Variants in BMPR1B observed in about 807,000 individuals in gnomAD.
BMPR1B encodes the protein bone morphogenetic protein receptor type 1B.
Under a neutral mutation model 59.1 loss-of-function variants are expected in BMPR1B, and 12 were observed. That is an observed-to-expected ratio of 0.20 (90% confidence interval 0.13 to 0.33). The LOEUF (loss-of-function observed/expected upper bound fraction) is 0.33. Among genes scored for constraint, BMPR1B ranks in the 10% least tolerant of loss-of-function variants. The pLI is 1.00. For synonymous variants in BMPR1B, 237 were observed against 207.3 expected (o/e 1.14, Z -1.23); for missense variants, 550 against 610.9 (o/e 0.90, Z 1.05).
intron 1 of BMPR1B, among the ~76,000 whole-genome samples, chr4:94,868,016 TA>T (rs1213176382): frequency 2.4e-5 from 3 of 124,672 alleles, no homozygotes; most frequent in Non-Finnish European, 5.2e-5. Flanking sequence ...TGTGCCCCGC[TA>T]ATTTTTTTTT....
intron 3 of BMPR1B, among the ~76,000 whole-genome samples, chr4:95,050,764 G>T (rs768819870): frequency 1.4e-4 from 22 of 152,050 alleles, no homozygotes; most frequent in Non-Finnish European, 2.6e-4. Context: ...TTTTGTATTT[G>T]TCTATGGTAG....
At chr4:94,851,570 A>G (rs1725566829) in intron 1 of BMPR1B, among the ~76,000 whole-genome samples, 1 of 152,064 alleles carries the variant, frequency 6.6e-6, no homozygotes, top group Non-Finnish European at 1.5e-5. Context: ...GTCTATAATA[A>G]TTTTAAAAAT....
intron 1 of BMPR1B, among the ~76,000 whole-genome samples, chr4:94,793,272 T>G (rs950007115): frequency 4.0e-5 from 6 of 149,654 alleles, no homozygotes; most frequent in East Asian, 2.0e-4. Flanking sequence ...GCGGTGTTTG[T>G]TTTTTTGTTC....
At chr4:94,991,646 A>G (rs1431859899) in intron 2 of BMPR1B, among the ~76,000 whole-genome samples, 1 of 152,170 alleles carries the variant, frequency 6.6e-6, no homozygotes, top group Non-Finnish European at 1.5e-5. Context: ...TAGGAGGACA[A>G]GTGGGTTGGA....
At chr4:94,817,432 A>G (rs911813741) in intron 1 of BMPR1B, among the ~76,000 whole-genome samples, 4 of 152,156 alleles carry the variant, frequency 2.6e-5, no homozygotes, top group Non-Finnish European at 5.9e-5. Flanking sequence ...AGAAATTTCT[A>G]CTTTTCCTGC....
intron 2 of BMPR1B, among the ~76,000 whole-genome samples, chr4:94,904,213 G>A (rs1165261769): frequency 1.3e-5 from 2 of 151,952 alleles, no homozygotes; most frequent in African/African-American, 4.8e-5. Context: ...TCAATGATTT[G>A]CTGTAGAAAT....
At chr4:94,898,181 G>T (rs1056704808) in intron 2 of BMPR1B, among the ~76,000 whole-genome samples, 3 of 151,788 alleles carry the variant, frequency 2.0e-5, no homozygotes, top group Admixed American at 6.6e-5. Context: ...TTAACTCCTG[G>T]CCTCAAGCTG....
chr4:95,047,352 C>CT lies in BMPR1B; in HGVS notation c.-18+51225dup, dbSNP rs574372524. On this transcript the variant is annotated intron_variant, in intron 3 of 12. Transcript: ENST00000515059. ...TCTTAGTCTCTGTTGGTTTTTAACT[C>CT]TTTTTTTACACTTTCCTTGATAGTT... Among the ~76,000 whole-genome samples the CT allele has an allele frequency of 9.6e-4, 146 of 152,204 alleles. 1 individual carries two copies. The highest frequency in any genetic ancestry group is 3.1e-3 in the African/African-American group (130 of 41,558).
At chr4:95,106,210 G>C (rs1731190394) in intron 4 of BMPR1B, among the ~76,000 whole-genome samples, 1 of 151,980 alleles carries the variant, frequency 6.6e-6, no homozygotes, top group Non-Finnish European at 1.5e-5. Context: ...ACTGTGACCT[G>C]GTGGGCTATA....
intron 3 of BMPR1B, among the ~76,000 whole-genome samples, chr4:95,032,383 G>A (rs1399836027): frequency 6.6e-6 from 1 of 152,078 alleles, no homozygotes; most frequent in Non-Finnish European, 1.5e-5. Context: ...CTCTCATGAT[G>A]ACATCTAAAC....
intron 2 of BMPR1B, among the ~76,000 whole-genome samples, chr4:94,886,562 C>T (rs1279711749): frequency 6.6e-6 from 1 of 152,180 alleles, no homozygotes; most frequent in Non-Finnish European, 1.5e-5. Context: ...TAAAAAATGA[C>T]CACCTACCTT....
At chr4:95,032,491 A>G (rs1724939773) in intron 3 of BMPR1B, among the ~76,000 whole-genome samples, 1 of 152,138 alleles carries the variant, frequency 6.6e-6, no homozygotes, top group South Asian at 2.1e-4. Flanking sequence ...CATTCAGTCC[A>G]TAACATTCTT....
intron 1 of BMPR1B, among the ~76,000 whole-genome samples, chr4:94,812,223 T>A (rs940390180): frequency 6.6e-6 from 1 of 152,204 alleles, no homozygotes; most frequent in African/African-American, 2.4e-5. Flanking sequence ...CATACTGTTA[T>A]AGAAGAAGCA....
intron 1 of BMPR1B, among the ~76,000 whole-genome samples, chr4:94,854,681 A>C (rs1725690488): frequency 1.3e-5 from 2 of 152,180 alleles, no homozygotes; most frequent in African/African-American, 4.8e-5. Context: ...TGAGGGACCC[A>C]TGAAAACTCT....
chr4:94,761,042 C>G (rs1291590574), intron 1 of BMPR1B, among the ~76,000 whole-genome samples: 1 of 152,114 alleles, frequency 6.6e-6, no homozygotes, highest in Non-Finnish European at 1.5e-5. Flanking sequence ...GCTAGGATGG[C>G]TATGGAATTG....
intron 3 of BMPR1B, among the ~76,000 whole-genome samples, chr4:95,080,082 G>T (rs978077136): frequency 1.3e-5 from 2 of 152,086 alleles, no homozygotes; most frequent in African/African-American, 4.8e-5. Context: ...CAAATGAAAA[G>T]CTCTGTTTAG....
chr4:94,800,216 A>G (rs1051944393), intron 1 of BMPR1B, among the ~76,000 whole-genome samples: 1 of 152,182 alleles, frequency 6.6e-6, no homozygotes, highest in East Asian at 1.9e-4. Context: ...TTACTGTTTT[A>G]GAAAGATTTA....
chr4:94,966,935 AGTTCTATGAAGAGAGAGACG>A (rs1730576382), intron 2 of BMPR1B, among the ~76,000 whole-genome samples: 1 of 152,150 alleles, frequency 6.6e-6, no homozygotes, highest in Non-Finnish European at 1.5e-5. Context: ...AAATTCTGGA[AGTTCTATGAAGAGAGAGACG>A]GTCCTTGGGG....
intron 1 of BMPR1B, among the ~76,000 whole-genome samples, chr4:94,794,663 C>T (rs1316873090): frequency 2.6e-5 from 4 of 151,618 alleles, no homozygotes; most frequent in Non-Finnish European, 4.4e-5. Flanking sequence ...ATGGAATGTT[C>T]TTCCATTTCT....
Sources: allele counts gnomAD v4.1 joint callset (sites outside exome capture counted in the v4.1 genomes callset), GRCh38; gene constraint gnomAD v4.1.1; transcripts MANE v1.5; gene names NCBI Gene and HGNC (gene_info 2026-07-23, HGNC 2026-07-21).